CFDP1: variants seen among roughly 807,000 people sequenced by gnomAD.
CFDP1 encodes the protein chromatin remodeling protein CFDP1, also known as heterochromatin-stabilizing protein CFDP1.
A neutral mutation model predicts 40.1 loss-of-function variants in CFDP1; 31 were observed. The ratio of observed to expected loss-of-function variants is 0.77; its 90% CI spans 0.58 to 1.04. CFDP1 has a LOEUF of 1.04. CFDP1 is among the 50% of genes least tolerant of loss of function. The pLI is 0.00. For synonymous variants in CFDP1, 167 were observed against 120.0 expected (o/e 1.39, Z -2.56); for missense variants, 423 against 343.4 (o/e 1.23, Z -1.83).
rs546724752 is a variant in CFDP1 at position 75,301,536 on chromosome 16, C to CTTTTTTTTTT, written c.809+3478_809+3487dup. 2.3e-3 allele frequency among the ~76,000 whole-genome samples: 123 copies of CTTTTTTTTTT among 53,956 alleles called. 10 individuals carry two copies. Among genetic ancestry groups the CTTTTTTTTTT allele is most frequent in the African/African-American group, 7.2e-3 (105 of 14,496 alleles). 35.4% of individuals were successfully genotyped at this position (53,956 alleles called of 152,430 possible). On this transcript the variant is annotated intron_variant, in intron 6 of 6. Coordinates refer to ENST00000283882, the MANE Select transcript of CFDP1 (RefSeq NM_006324.3). ...TCTCAACATTAGAGTTTTGTTGTGTCTTTTTTTTTTTTTTTTTTTTTTTTT... is the reference window on the plus strand; with the variant it reads ...TCTCAACATTAGAGTTTTGTTGTGTCTTTTTTTTTTTTTTTTTTTTTTTTTTTTTTTTTTT...
At chr16:75,408,863 G>GT (rs1426367589) in intron 4 of CFDP1, among the ~76,000 whole-genome samples, 1 of 151,574 alleles carries the variant, frequency 6.6e-6, no homozygotes, top group African/African-American at 2.4e-5. Flanking sequence ...TCAGCTTTTT[G>GT]TTTTTTTGTT....
intron 1 of CFDP1, among the ~76,000 whole-genome samples, chr16:75,418,551 C>A (rs985834689): frequency 6.6e-6 from 1 of 151,826 alleles, no homozygotes; most frequent in Non-Finnish European, 1.5e-5. Flanking sequence ...CCTTGTGATC[C>A]GCCGACCTCG....
intron 1 of CFDP1, among the ~76,000 whole-genome samples, chr16:75,416,688 G>C (rs987702016): frequency 6.6e-6 from 1 of 152,092 alleles, no homozygotes; most frequent in Middle Eastern, 3.2e-3. Context: ...GTCAAAGCTA[G>C]AGTGAGCCAA....
chr16:75,310,050 A>C (rs2078286044), intron 5 of CFDP1, among the ~76,000 whole-genome samples: 1 of 152,158 alleles, frequency 6.6e-6, no homozygotes, highest in Non-Finnish European at 1.5e-5. Flanking sequence ...ATTACATCCC[A>C]AATGTTACGC....
intron 5 of CFDP1, among the ~76,000 whole-genome samples, chr16:75,335,154 C>T (rs552716652): frequency 6.6e-6 from 1 of 152,232 alleles, no homozygotes; most frequent in East Asian, 1.9e-4. Flanking sequence ...CTGGTCTTAC[C>T]AGCTCATAAA....
At chr16:75,422,216 C>T (rs1402593636) in intron 1 of CFDP1, among the ~76,000 whole-genome samples, 5 of 152,100 alleles carry the variant, frequency 3.3e-5, no homozygotes, top group Admixed American at 6.5e-5. Context: ...CCTGCCTCAG[C>T]CTCCCAAGTA....
At chr16:75,303,061 G>A (rs186680166) in intron 6 of CFDP1, among the ~76,000 whole-genome samples, 26 of 151,966 alleles carry the variant, frequency 1.7e-4, no homozygotes, top group Admixed American at 1.5e-3. Flanking sequence ...TTAGCTGGGC[G>A]TGTAGGCGCG....
intron 5 of CFDP1, among the ~76,000 whole-genome samples, chr16:75,373,273 AG>A (rs2078767137): frequency 6.6e-6 from 1 of 152,358 alleles, no homozygotes; most frequent in African/African-American, 2.4e-5. Context: ...AATTAGCCAA[AG>A]TATATTTAAA....
intron 1 of CFDP1, among the ~76,000 whole-genome samples, chr16:75,424,975 A>C (rs980634515): frequency 2.6e-5 from 4 of 151,112 alleles, no homozygotes; most frequent in Non-Finnish European, 5.9e-5. Context: ...CAGAACTGGT[A>C]AATGAGTTTA....
At chr16:75,302,627 A>G (rs2078228705) in intron 6 of CFDP1, among the ~76,000 whole-genome samples, 1 of 152,214 alleles carries the variant, frequency 6.6e-6, no homozygotes, top group South Asian at 2.1e-4. Flanking sequence ...TATTCAGAGA[A>G]GCAATAATGT....
At chr16:75,417,127 C>T (rs62062570) in intron 1 of CFDP1, among the ~76,000 whole-genome samples, 4,721 of 152,154 alleles carry the variant, frequency 0.031, 121 homozygotes, top group Non-Finnish European at 0.046. Flanking sequence ...GCCATGAACA[C>T]GCTACTGCAT....
chr16:75,332,169 G>A (rs1420903314), intron 5 of CFDP1, among the ~76,000 whole-genome samples: 2 of 152,070 alleles, frequency 1.3e-5, no homozygotes, highest in South Asian at 2.1e-4. Flanking sequence ...CACCCTCTAC[G>A]AAAAATAAAA....
chr16:75,394,658 CT>C (rs1162951313), intron 5 of CFDP1: 2,680 of 103,206 alleles, frequency 0.026, 112 homozygotes, highest in African/African-American at 0.089. Flanking sequence ...ATTTTCTTCG[CT>C]TTTTTTTTTT....
intron 5 of CFDP1, among the ~76,000 whole-genome samples, chr16:75,384,785 T>C (rs947048708): frequency 2.2e-5 from 3 of 134,414 alleles, no homozygotes; most frequent in Non-Finnish European, 4.9e-5. Context: ...GATGTTTATA[T>C]TGAACCTGGA....
chr16:75,393,332 G>A (rs1200638856), intron 5 of CFDP1, among the ~76,000 whole-genome samples: 7 of 152,078 alleles, frequency 4.6e-5, no homozygotes, highest in Admixed American at 2.0e-4. Flanking sequence ...TAAATGACAT[G>A]CACTTAAACC....
chr16:75,387,308 T>C (rs910431051), intron 5 of CFDP1, among the ~76,000 whole-genome samples: 1 of 152,040 alleles, frequency 6.6e-6, no homozygotes, highest in African/African-American at 2.4e-5. Context: ...GCCCGGAGAA[T>C]TTTTTGTTTT....
At chr16:75,326,667 GGT>G (rs1455138462) in intron 5 of CFDP1, among the ~76,000 whole-genome samples, 6 of 152,124 alleles carry the variant, frequency 3.9e-5, no homozygotes, top group Non-Finnish European at 7.4e-5. Flanking sequence ...CGTGGTGCCT[GGT>G]AAGAACGTCA....
chr16:75,366,757 T>G (rs1443584325), intron 5 of CFDP1, among the ~76,000 whole-genome samples: 1 of 152,168 alleles, frequency 6.6e-6, no homozygotes, highest in African/African-American at 2.4e-5. Flanking sequence ...GCTCCCATCT[T>G]CTGGGGCTGA....
chr16:75,383,337 C>T (rs1273113404), intron 5 of CFDP1, among the ~76,000 whole-genome samples: 1 of 152,192 alleles, frequency 6.6e-6, no homozygotes, highest in African/African-American at 2.4e-5. Context: ...TCTTTCTGTA[C>T]AGTCAGAACC....
Sources: gnomAD v4.1 joint callset for allele counts (sites outside exome capture counted in the v4.1 genomes callset) on GRCh38, gnomAD v4.1.1 for gene constraint, MANE v1.5 for transcripts, NCBI Gene and HGNC (gene_info 2026-07-23, HGNC 2026-07-21) for gene names.